Variants in UBTD1 observed in about 807,000 individuals in gnomAD.
UBTD1 encodes ubiquitin domain containing 1.
A neutral mutation model predicts 21.7 loss-of-function variants in UBTD1; 19 were observed. The ratio of observed to expected loss-of-function variants is 0.87; its 90% CI spans 0.61 to 1.28. The LOEUF is 1.28. UBTD1 is among the 50% of genes most tolerant of loss of function. The pLI is 0.00. For synonymous variants in UBTD1, 116 were observed against 135.1 expected, an observed-to-expected ratio of 0.86 and a Z score of 0.98; for missense variants, 282 against 315.1, an observed-to-expected ratio of 0.89 and a Z score of 0.80.
chr10:97,565,557 G>C (rs1185370029), intron 1 of UBTD1, among the ~76,000 whole-genome samples: 2 of 152,002 alleles, frequency 1.3e-5, no homozygotes, highest in East Asian at 3.9e-4. Context: ...GAGGCTGCTG[G>C]GGGAGAATAC....
At chr10:97,567,285 G>A (rs1254571520) in intron 1 of UBTD1, among the ~76,000 whole-genome samples, 2 of 150,946 alleles carry the variant, frequency 1.3e-5, no homozygotes, top group Non-Finnish European at 3.0e-5. Flanking sequence ...GTTGCCCTGG[G>A]TGGTCTAGAA....
In UBTD1 at chr10:97,567,958, G is replaced by T. The variant is rs777847745; in HGVS notation, c.115G>T (p.Asp39Tyr). Residue 39 changes from aspartate (D) to tyrosine (Y), a missense_variant, in exon 2 of 3, where the codon GAC becomes TAC. Physicochemically the swap from Asp to Tyr is radical, Grantham distance 160. Transcript: ENST00000370664. The part of the protein sequence containing the change: ...LKKERLKWKS[D>Y]YPMTDGQLRS... ...GAAAGAGCGGCTTAAGTGGAAGAGC[G>T]ACTACCCCATGACTGACGGGCAGCT... 3 of 1,614,182 alleles carry T rather than the reference G, an allele frequency of 1.9e-6. No individual in the cohort carries two copies. The highest frequency in any genetic ancestry group is 2.5e-6 in the Non-Finnish European group (3 of 1,180,038).
Position 97,534,579 on chromosome 10 carries a change from G to GCA in UBTD1, c.71-33303_71-33302dup, listed in dbSNP as rs58308271. ...CACTAAGGAACACACACGCGCGCGCGCACACACACACACACACACACACAC... is the reference window on the plus strand; with the variant it reads ...CACTAAGGAACACACACGCGCGCGCGCACACACACACACACACACACACACAC... On this transcript the variant is annotated intron_variant, in intron 1 of 2. Transcript: ENST00000370664. Among the ~76,000 whole-genome samples the GCA allele has an allele frequency of 7.2e-3, 1,047 of 145,324 alleles. 6 individuals are homozygous for GCA. Among genetic ancestry groups the GCA allele is most frequent in the African/African-American group, 0.023 (857 of 38,048 alleles).
At chr10:97,564,006 GA>G (rs1366912392) in intron 1 of UBTD1, among the ~76,000 whole-genome samples, 2 of 152,152 alleles carry the variant, frequency 1.3e-5, no homozygotes, top group African/African-American at 4.8e-5. Context: ...CTTTATTCTG[GA>G]ACGGTGAACC....
chr10:97,546,255 A>G (rs77767995), intron 1 of UBTD1, among the ~76,000 whole-genome samples: 3,978 of 152,144 alleles, frequency 0.026, 164 homozygotes, highest in African/African-American at 0.086. Context: ...GCCATGCTGA[A>G]TTAGAGTCTT....
chr10:97,544,386 CTGTGACT>C (rs1443405713), intron 1 of UBTD1, among the ~76,000 whole-genome samples: 1 of 151,838 alleles, frequency 6.6e-6, no homozygotes, highest in Non-Finnish European at 1.5e-5. Flanking sequence ...ACTGAAGAGG[CTGTGACT>C]TGTTCTGTGT....
chr10:97,529,039 C>G (rs927225376), intron 1 of UBTD1, among the ~76,000 whole-genome samples: 4 of 152,070 alleles, frequency 2.6e-5, no homozygotes, highest in African/African-American at 7.2e-5. Context: ...GGTCTCCTCA[C>G]TTCTCAGACA....
intron 1 of UBTD1, among the ~76,000 whole-genome samples, chr10:97,529,130 A>G (rs1311262840): frequency 1.4e-5 from 2 of 146,944 alleles, no homozygotes; most frequent in African/African-American, 5.2e-5. Context: ...CAGACGGGGC[A>G]GCGGGGCAGA....
At chr10:97,567,031 CT>C (rs545350992) in intron 1 of UBTD1, among the ~76,000 whole-genome samples, 386 of 151,918 alleles carry the variant, frequency 2.5e-3, no homozygotes, top group Non-Finnish European at 3.9e-3. Flanking sequence ...TTAAAAAATC[CT>C]TTTTTTAAGT....
At chr10:97,514,393 T>C (rs79838586) in intron 1 of UBTD1, among the ~76,000 whole-genome samples, 4,633 of 152,224 alleles carry the variant, frequency 0.03, 197 homozygotes, top group African/African-American at 0.088. Flanking sequence ...TCCTCTCTTT[T>C]CCATTTACTG....
chr10:97,545,120 G>A (rs1340595084), intron 1 of UBTD1, among the ~76,000 whole-genome samples: 2 of 151,544 alleles, frequency 1.3e-5, no homozygotes, highest in Admixed American at 6.6e-5. Context: ...GGATCACGAG[G>A]TCAGGAGATC....
chr10:97,505,875 A>T (rs756521041), intron 1 of UBTD1, among the ~76,000 whole-genome samples: 1 of 152,230 alleles, frequency 6.6e-6, no homozygotes, highest in Non-Finnish European at 1.5e-5. Context: ...GATTTTTCCC[A>T]CTAGATCATT....
intron 1 of UBTD1, among the ~76,000 whole-genome samples, chr10:97,540,480 A>G (rs2040582639): frequency 6.6e-6 from 1 of 152,216 alleles, no homozygotes; most frequent in Non-Finnish European, 1.5e-5. Flanking sequence ...TGTAATACAT[A>G]TGAAGTGTTT....
chr10:97,536,231 A>G (rs2040561140), intron 1 of UBTD1, among the ~76,000 whole-genome samples: 1 of 151,938 alleles, frequency 6.6e-6, no homozygotes, highest in Non-Finnish European at 1.5e-5. Context: ...ACCTCATGTG[A>G]TCCATCCGCC....
At chr10:97,525,881 G>A (rs544605758) in intron 1 of UBTD1, among the ~76,000 whole-genome samples, 1 of 152,312 alleles carries the variant, frequency 6.6e-6, no homozygotes, top group South Asian at 2.1e-4. Flanking sequence ...GTGGACTGAA[G>A]ATCATATTTT....
intron 1 of UBTD1, among the ~76,000 whole-genome samples, chr10:97,556,632 T>A (rs1017716375): frequency 2.0e-5 from 3 of 152,184 alleles, no homozygotes; most frequent in African/African-American, 7.2e-5. Context: ...CTATGCTTCG[T>A]TTTTCGCGGG....
intron 1 of UBTD1, among the ~76,000 whole-genome samples, chr10:97,539,057 T>C (rs2040575787): frequency 6.6e-6 from 1 of 152,170 alleles, no homozygotes; most frequent in African/African-American, 2.4e-5. Context: ...GGTGTCCCAG[T>C]TCAGGCAGCT....
chr10:97,564,414 A>C (rs912562175), intron 1 of UBTD1, among the ~76,000 whole-genome samples: 1 of 152,166 alleles, frequency 6.6e-6, no homozygotes, highest in Admixed American at 6.5e-5. Flanking sequence ...TTCCCTTTCC[A>C]GGTCTTTTTC....
chr10:97,524,575 A>T (rs1481483983), intron 1 of UBTD1, among the ~76,000 whole-genome samples: 1 of 152,130 alleles, frequency 6.6e-6, no homozygotes, highest in Admixed American at 6.5e-5. Flanking sequence ...TGCTCACCCT[A>T]TGAAGGCAGG....
Sources: gnomAD v4.1 joint callset for allele counts (sites outside exome capture counted in the v4.1 genomes callset) on GRCh38, gnomAD v4.1.1 for gene constraint, MANE v1.5 for transcripts, NCBI Gene and HGNC (gene_info 2026-07-23, HGNC 2026-07-21) for gene names.